Variants in SPTBN2 observed in about 807,000 individuals in gnomAD.
SPTBN2 encodes spectrin beta, non-erythrocytic 2, also known as spectrin beta chain, non-erythrocytic 2.
A neutral mutation model predicts 284.2 loss-of-function variants in SPTBN2; 107 were observed. The ratio of observed to expected loss-of-function variants is 0.38; its 90% CI spans 0.32 to 0.44. The LOEUF (loss-of-function observed/expected upper bound fraction) is 0.44. Ranked by LOEUF, SPTBN2 falls within the 20% of genes least tolerant of loss-of-function variation. SPTBN2 has a pLI of 1.00. For synonymous variants in SPTBN2, 1,289 were observed against 1,354.8 expected, an observed-to-expected ratio of 0.95 and a Z score of 1.07; for missense variants, 2,569 against 3,287.1, an observed-to-expected ratio of 0.78 and a Z score of 5.34.
rs1186894231 is a variant in SPTBN2, at chr11:66,688,758, A to C, written c.6126T>G (p.Gly2042=). 1.9e-6 allele frequency: 3 copies of C among 1,613,306 alleles called. No individual in the cohort carries two copies. Among genetic ancestry groups the C allele is most frequent in the African/African-American group, 1.3e-5 (1 of 74,886 alleles). The change falls in exon 31 of 38, where the codon GGT becomes GGG. Residue 2042 remains glycine (G), a synonymous_variant. Transcript: ENST00000533211. ...QEPLVRSAEL[G]CTVDEVESLI... ...GGCTCTCAACTTCGTCGACCGTGCA[A>C]CCCAGCTCAGCGCTGCGCACCAGTG...
At chr11:66,697,554 C>A (rs1407988968) in intron 20 of SPTBN2, among the ~76,000 whole-genome samples, 1 of 152,180 alleles carries the variant, frequency 6.6e-6, no homozygotes, top group African/African-American at 2.4e-5. Context: ...CTGCCTACCA[C>A]TGGTTTTCTG....
At chr11:66,702,131 G>C (rs1269899123) in intron 15 of SPTBN2, among the ~76,000 whole-genome samples, 1 of 152,182 alleles carries the variant, frequency 6.6e-6, no homozygotes, top group South Asian at 2.1e-4. Flanking sequence ...ATTTGTCTGA[G>C]TGATGAAAAT....
At chr11:66,696,617 T>C in intron 20 of SPTBN2, 77 bp from the exon 21 acceptor site, 1 of 1,586,670 alleles carries the variant, frequency 6.3e-7, no homozygotes, top group Non-Finnish European at 8.6e-7. Context: ...CCAGGGGCCT[T>C]ACGGGCAGTA....
At position 66,718,119 on chromosome 11, in the gene SPTBN2, T is replaced by TCCCCAGGTGCTGGCACCC. The variant is rs1256574397; in HGVS notation, c.158-2156_158-2139dup. 6.6e-6 allele frequency among the ~76,000 whole-genome samples: 1 copy of TCCCCAGGTGCTGGCACCC among 152,006 alleles called. No homozygotes were observed. The highest frequency in any genetic ancestry group is 1.5e-5 in the Non-Finnish European group (1 of 67,990). On this transcript the variant is annotated intron_variant, in intron 3 of 37. Transcript: ENST00000533211. This position sits in a 1 kb window ranked among gnomAD's most constrained non-coding sequence, Gnocchi z 4.8. The stretch of plus-strand genomic sequence containing the variant: ...CCACCTCAGAGGCACTGCTGGCGCC[T>TCCCCAGGTGCTGGCACCC]CCCCAGGTGCTGGCACCCCCACGCC...
intron 14 of SPTBN2, 64 bp from the exon 15 acceptor site, chr11:66,705,532 C>T (rs1941497824): frequency 6.2e-7 from 1 of 1,609,576 alleles, no homozygotes; most frequent in Non-Finnish European, 8.5e-7. Context: ...CCTGCCACCA[C>T]ACTCTCTTGG....
At chr11:66,714,773 C>T (rs908434545) in intron 5 of SPTBN2, among the ~76,000 whole-genome samples, 4 of 152,062 alleles carry the variant, frequency 2.6e-5, no homozygotes, top group Non-Finnish European at 2.9e-5. Flanking sequence ...TGATCAGGAA[C>T]GCTGTGATGG....
chr11:66,740,050 A>G (rs1942885739), intron 1 of SPTBN2, among the ~76,000 whole-genome samples: 1 of 152,198 alleles, frequency 6.6e-6, no homozygotes, highest in Non-Finnish European at 1.5e-5. Context: ...CCAGTTACAC[A>G]GGGCAGAACC....
chr11:66,739,421 A>G (rs976950062), intron 1 of SPTBN2, among the ~76,000 whole-genome samples: 3 of 152,210 alleles, frequency 2.0e-5, no homozygotes, highest in Admixed American at 2.0e-4. Context: ...TTAGTTTTCC[A>G]TAGCTAAAAT....
chr11:66,738,672 C>T (rs189727812), intron 1 of SPTBN2, among the ~76,000 whole-genome samples: 311 of 151,776 alleles, frequency 2.0e-3, no homozygotes, highest in African/African-American at 7.0e-3. Context: ...CTCGCCACCA[C>T]GCCCGGCTAA....
intron 20 of SPTBN2, among the ~76,000 whole-genome samples, chr11:66,697,430 G>A (rs1004181635): frequency 6.6e-6 from 1 of 152,126 alleles, no homozygotes; most frequent in Non-Finnish European, 1.5e-5. Flanking sequence ...GGAAGCACAC[G>A]CATGTGGTGG....
Position 66,700,865 on chromosome 11 carries a change from C to G in SPTBN2, c.3234G>C (p.Gln1078His). ...CAGTCTGAGTGCGGCCTAGCCAGGC[C>G]TGGAAGTCATCCAAGCTGCGCAAGA... ...QDFLRSLDDF[Q>H]AWLGRTQTAV... is the part of the protein sequence containing the mutation. Residue 1078 changes from glutamine to histidine, a missense_variant, in exon 17 of 38, where the codon CAG becomes CAC. Transcript: ENST00000533211. This position sits in a 1 kb window ranked among gnomAD's most constrained non-coding sequence, Gnocchi z 6.6. 6.2e-7 allele frequency: 1 copy of G among 1,600,172 alleles called. No homozygotes were observed. The highest frequency in any genetic ancestry group is 8.5e-7 in the Non-Finnish European group (1 of 1,179,842).
intron 20 of SPTBN2, among the ~76,000 whole-genome samples, chr11:66,698,373 T>C (rs1325597504): frequency 6.6e-6 from 1 of 152,222 alleles, no homozygotes; most frequent in African/African-American, 2.4e-5. Flanking sequence ...CATCCTGCTT[T>C]GAACTCAGGA....
rs140452440 is a variant in SPTBN2 at position 66,725,360 on chromosome 11, T to A, written c.-114+3381A>T. 4.9e-4 allele frequency among the ~76,000 whole-genome samples: 75 copies of A among 152,332 alleles called. 1 individual carries two copies. The East Asian group carries it at 0.012, about 24-fold the overall frequency. ...TAGCTCCCTGGCCTTTTGGACAATA[T>A]GCTGTGTTCTCAGCTTGTGTCCCCT... On this transcript the variant is annotated intron_variant, in intron 1 of 37. Transcript: ENST00000533211.
In SPTBN2 at chr11:66,715,100, GC is replaced by G; in HGVS notation, c.483+121del. The stretch of plus-strand genomic sequence containing the variant: ...GTGCTTGGATAGCGCCGCCATGGCA[GC>G]TGCTACATAAGGTTCTAGATCCTCC... On this transcript the variant is annotated intron_variant, in intron 5 of 37. Transcript: ENST00000533211. The surrounding 1 kb of genome is among the most constrained non-coding windows in gnomAD (Gnocchi z 5.3). 7.8e-7 allele frequency: 1 copy of G among 1,286,572 alleles called. No homozygotes were observed. The highest frequency in any genetic ancestry group is 1.1e-6 in the Non-Finnish European group (1 of 905,252). The allele number at this position is 1,286,572 out of a possible 1,614,324, so 79.7% of individuals were successfully genotyped here.
intron 6 of SPTBN2, 35 bp from the exon 7 acceptor site, chr11:66,714,206 C>T (rs1199300604): frequency 1.9e-6 from 3 of 1,611,744 alleles, no homozygotes; most frequent in Admixed American, 1.7e-5. Flanking sequence ...GTGAGTAGGG[C>T]TGAGCTCTGT....
At chr11:66,720,468 G>T (rs769481257) in intron 3 of SPTBN2, among the ~76,000 whole-genome samples, 1 of 152,208 alleles carries the variant, frequency 6.6e-6, no homozygotes, top group East Asian at 1.9e-4. Flanking sequence ...ACGAGTTTCC[G>T]CTCAGAGCGG....
chr11:66,686,894 C>A, intron 36 of SPTBN2, 100 bp downstream of exon 36: 1 of 1,534,180 alleles, frequency 6.5e-7, no homozygotes, highest in Non-Finnish European at 8.9e-7. Flanking sequence ...TCCACTCAGG[C>A]TCCTTACAGG....
At position 66,692,707 on chromosome 11, in the gene SPTBN2, G is replaced by A. The variant is rs1369204871; in HGVS notation, c.5019C>T (p.Asp1673=). 6.2e-7 allele frequency: 1 copy of A among 1,603,618 alleles called. No individual in the cohort carries two copies. The highest frequency in any genetic ancestry group is 8.5e-7 in the Non-Finnish European group (1 of 1,179,954). Residue 1673 remains aspartate (D), a synonymous_variant, in exon 26 of 38, where the codon GAC becomes GAT. Coordinates refer to ENST00000533211, the MANE Select transcript of SPTBN2 (RefSeq NM_006946.4). ...TRISIRQAQV[D]KLYAGLKELA... is the part of the protein sequence containing the mutation. Reference sequence around the variant, plus strand: ...GCTCCTTCAGGCCGGCATACAGCTTGTCCACCTGGGCTTGGCGGATGGATA... The same window carrying A: ...GCTCCTTCAGGCCGGCATACAGCTTATCCACCTGGGCTTGGCGGATGGATA...
In SPTBN2 at chr11:66,728,873, C is replaced by G. The variant is rs1242107458; in HGVS notation, c.-246G>C. On this transcript the variant is annotated 5_prime_UTR_variant, in exon 1 of 38. Coordinates refer to ENST00000533211, the MANE Select transcript of SPTBN2 (RefSeq NM_006946.4). ...CTTTCCTCTCCGGGCACCTCCAGTC[C>G]GTCTCCGCTAAGCATTCCTCTCACC... is the stretch of plus-strand genomic sequence containing the variant. 1 of 152,216 alleles carries G rather than the reference C, an allele frequency of 6.6e-6. No individual in the cohort carries two copies. Among genetic ancestry groups the G allele is most frequent in the South Asian group, 2.1e-4 (1 of 4,826 alleles). The allele number at this position is 152,216 out of a possible 1,614,324, so 9.4% of individuals were successfully genotyped here.
Sources: allele counts gnomAD v4.1 joint callset (sites outside exome capture counted in the v4.1 genomes callset), GRCh38; gene constraint gnomAD v4.1.1; non-coding constraint Gnocchi (gnomAD v3.1); transcripts MANE v1.5; gene names NCBI Gene and HGNC (gene_info 2026-07-23, HGNC 2026-07-21).